The following PACS1 variants were observed in gnomAD, a reference collection of about 807,000 sequenced individuals.
PACS1 encodes the protein PACS-1.
A neutral mutation model predicts 115.0 loss-of-function variants in PACS1; 24 were observed. The ratio of observed to expected loss-of-function variants is 0.21; its 90% CI spans 0.15 to 0.29. PACS1 has a LOEUF of 0.29. PACS1 is among the 10% of genes least tolerant of loss of function. PACS1 has a pLI of 1.00. For missense variants in PACS1, 838 were observed against 1,251.2 expected (o/e 0.67, Z 4.98); for synonymous variants, 453 against 504.5 (o/e 0.90, Z 1.37).
chr11:66,158,272 A>T (rs1436588465), intron 1 of PACS1, among the ~76,000 whole-genome samples: 1 of 152,220 alleles, frequency 6.6e-6, no homozygotes, highest in Non-Finnish European at 1.5e-5. Flanking sequence ...CCCGGCCTGC[A>T]CTTTGAAAAA....
At chr11:66,145,315 G>A (rs187158952) in intron 1 of PACS1, among the ~76,000 whole-genome samples, 7 of 152,260 alleles carry the variant, frequency 4.6e-5, no homozygotes, top group South Asian at 2.1e-4. Context: ...ACAGCAGGCC[G>A]TGAAAACTAA....
intron 2 of PACS1, among the ~76,000 whole-genome samples, chr11:66,204,407 A>T (rs1246832951): frequency 6.6e-6 from 1 of 152,216 alleles, no homozygotes; most frequent in Non-Finnish European, 1.5e-5. Context: ...CCTGGTGAGG[A>T]TGTAGAGAAA....
rs1035968883 is a variant in PACS1 at position 66,233,661 on chromosome 11, T to C, written c.1839-124T>C. 9.1e-6 allele frequency: 8 copies of C among 877,464 alleles called. No individual in the cohort carries two copies. Among genetic ancestry groups the C allele is most frequent in the Admixed American group, 2.6e-5 (1 of 37,830 alleles). 54.4% of individuals were successfully genotyped at this position (877,464 alleles called of 1,614,324 possible). On this transcript the variant is annotated intron_variant, in intron 15 of 23. Coordinates refer to ENST00000320580, the MANE Select transcript of PACS1 (RefSeq NM_018026.4). This position sits in a 1 kb window ranked among gnomAD's most constrained non-coding sequence, Gnocchi z 4.5. ...TCCCTGTATGATCCTCTCTGTTTTA[T>C]TTTGTGGATTGGTTTGCTTTTCCCC...
chr11:66,125,094 T>G (rs1466462417), intron 1 of PACS1, among the ~76,000 whole-genome samples: 2 of 152,194 alleles, frequency 1.3e-5, no homozygotes, highest in Non-Finnish European at 2.9e-5. Flanking sequence ...CTATGAACAT[T>G]GGTGAACAAT....
At chr11:66,206,006 G>A (rs917016277) in intron 2 of PACS1, among the ~76,000 whole-genome samples, 1 of 152,090 alleles carries the variant, frequency 6.6e-6, no homozygotes, top group African/African-American at 2.4e-5. Flanking sequence ...AAATTAGCCC[G>A]GCATTTTGGC....
intron 1 of PACS1, among the ~76,000 whole-genome samples, chr11:66,147,295 C>A (rs801742): frequency 0.25 from 37,458 of 151,912 alleles, 5,835 homozygotes; most frequent in Non-Finnish European, 0.35. Flanking sequence ...TAAAGACATT[C>A]CTAGATAAAC....
rs762999424 is a variant in PACS1, at chr11:66,167,207, C to T, written c.357-26279C>T. 2.7e-5 allele frequency among the ~76,000 whole-genome samples: 4 copies of T among 150,144 alleles called. 1 individual carries two copies. The highest frequency in any genetic ancestry group is 1.0e-4 in the African/African-American group (4 of 39,612). ...TGTTTCCTCTTCCGGAAACATGGAG[C>T]GTCTGTTCATGTCTTTTGCCCACTT... On this transcript the variant is annotated intron_variant, in intron 1 of 23. Coordinates refer to ENST00000320580, the MANE Select transcript of PACS1 (RefSeq NM_018026.4).
intron 19 of PACS1, chr11:66,238,243 G>A (rs192297960): frequency 6.0e-5 from 59 of 985,214 alleles, no homozygotes; most frequent in Non-Finnish European, 3.7e-5. Flanking sequence ...ACCTTAGCAC[G>A]TCCACTTGGC....
chr11:66,189,713 G>T (rs1481118299), intron 1 of PACS1, among the ~76,000 whole-genome samples: 2 of 152,218 alleles, frequency 1.3e-5, no homozygotes, highest in Non-Finnish European at 2.9e-5. Flanking sequence ...CGTTTATCTT[G>T]CAGTGAGTTT....
At position 66,219,734 on chromosome 11, in the gene PACS1, T is replaced by C; in HGVS notation, c.979-12T>C. On this transcript the variant is annotated splice_polypyrimidine_tract_variant and intron_variant, in intron 7 of 23. Transcript: ENST00000320580. ...ACGTTGCTGAGAACTGTCATGCGAT[T>C]TGTCCCTACAGCAACCTAACATCAA... 1.2e-6 allele frequency: 2 copies of C among 1,611,966 alleles called. No homozygotes were observed. Among genetic ancestry groups the C allele is most frequent in the Non-Finnish European group, 1.7e-6 (2 of 1,178,092 alleles).
chr11:66,185,194 T>C (rs551606600), intron 1 of PACS1, among the ~76,000 whole-genome samples: 5 of 152,202 alleles, frequency 3.3e-5, no homozygotes, highest in Non-Finnish European at 7.3e-5. Context: ...TGTTTTGTTA[T>C]TGTTTTATTA....
chr11:66,153,791 CA>C (rs1320767312), intron 1 of PACS1, among the ~76,000 whole-genome samples: 1 of 151,250 alleles, frequency 6.6e-6, no homozygotes, highest in African/African-American at 2.4e-5. Flanking sequence ...AACAAACAAA[CA>C]AAAAAAACCT....
rs200111775 is a variant in PACS1 at position 66,072,523 on chromosome 11, GT to G, written c.356+1691del. On this transcript the variant is annotated intron_variant, in intron 1 of 23. Transcript: ENST00000320580. ...ACATCACTTAACAGATTTACACATTGTTTTTTTTTTCTCTGTCCTTTCTCTA... is the reference window on the plus strand; with the variant it reads ...ACATCACTTAACAGATTTACACATTGTTTTTTTTTCTCTGTCCTTTCTCTA... Among the ~76,000 whole-genome samples, 330 of 149,480 alleles carry G rather than the reference GT, an allele frequency of 2.2e-3. 3 individuals carry two copies. Among genetic ancestry groups the G allele is most frequent in the African/African-American group, 7.4e-3 (303 of 40,756 alleles).
At chr11:66,075,257 T>C (rs1021981216) in intron 1 of PACS1, among the ~76,000 whole-genome samples, 1 of 152,118 alleles carries the variant, frequency 6.6e-6, no homozygotes, top group African/African-American at 2.4e-5. Context: ...TTTTGTTTTT[T>C]TGAGACACAG....
At chr11:66,234,051 C>T in intron 16 of PACS1, 81 bp from the exon 17 acceptor site, 1 of 1,536,966 alleles carries the variant, frequency 6.5e-7, no homozygotes, top group Non-Finnish European at 9.0e-7. Flanking sequence ...TCAAGGAGAC[C>T]AAGGCCGTGG....
chr11:66,184,281 C>G (rs1457813877), intron 1 of PACS1, among the ~76,000 whole-genome samples: 4 of 137,430 alleles, frequency 2.9e-5, no homozygotes, highest in African/African-American at 1.1e-4. Context: ...CCACTGCACT[C>G]CAGTCTGGGT....
chr11:66,220,834 T>C (rs1855327679), intron 9 of PACS1, 43 bp downstream of exon 9: 2 of 1,599,102 alleles, frequency 1.3e-6, no homozygotes, highest in African/African-American at 2.7e-5. Flanking sequence ...CTCTCCTTCC[T>C]GGCCATAGCA....
rs963006404 is a variant in PACS1 at position 66,221,257 on chromosome 11, A to C, written c.1293+10A>C. 1.1e-5 allele frequency: 18 copies of C among 1,612,592 alleles called. No individual in the cohort carries two copies. Among genetic ancestry groups the C allele is most frequent in the South Asian group, 2.2e-5 (2 of 91,038 alleles). On this transcript the variant is annotated intron_variant, in intron 10 of 23. Transcript: ENST00000320580. ...AGACACCACCAGCCCTGTGAGCGCA[A>C]CCGCGACTGCGGGGCGGGGTGGGAC...
Position 66,244,066 on chromosome 11 carries a change from C to T in PACS1, c.*786C>T, listed in dbSNP as rs1855871561. 1 of 152,358 alleles carries T rather than the reference C, an allele frequency of 6.6e-6. No individual in the cohort carries two copies. 9.4% of individuals were successfully genotyped at this position (152,358 alleles called of 1,614,324 possible). A position where few individuals can be genotyped will look rare whatever the true frequency, so the allele number is the denominator to read the frequency against. On this transcript the variant is annotated 3_prime_UTR_variant, in exon 24 of 24. Transcript: ENST00000320580. ...CAAGTCTCTTGGTTGTACCATGTGA[C>T]ACACCCTGTGCACTGGTCGCTGTCT...
Sources: gnomAD v4.1 joint callset for allele counts (sites outside exome capture counted in the v4.1 genomes callset) on GRCh38, gnomAD v4.1.1 for gene constraint, Gnocchi (gnomAD v3.1) non-coding constraint, MANE v1.5 for transcripts, NCBI Gene and HGNC (gene_info 2026-07-23, HGNC 2026-07-21) for gene names.